The following MSRA variants were observed in gnomAD, a reference collection of about 807,000 sequenced individuals.
The protein encoded by MSRA is methionine sulfoxide reductase A.
In MSRA, 54 loss-of-function variants were observed where a neutral mutation model predicts 31.3. That is an observed-to-expected ratio of 1.73 (90% confidence interval 1.39 to 2.17). The LOEUF (loss-of-function observed/expected upper bound fraction) is 2.17, where lower values mean the gene tolerates loss of function less well. Among genes scored for constraint, MSRA ranks in the 30% most tolerant of loss-of-function variants. MSRA has a pLI of 0.00. For synonymous variants in MSRA, 169 were observed against 116.5 expected (o/e 1.45, Z -2.90); for missense variants, 507 against 300.9 (o/e 1.69, Z -5.07).
At chr8:10,362,601 C>T (rs564580416) in intron 5 of MSRA, among the ~76,000 whole-genome samples, 1 of 152,118 alleles carries the variant, frequency 6.6e-6, no homozygotes, top group Non-Finnish European at 1.5e-5. Context: ...GTTTTCTCTC[C>T]AAGCAGTCCC....
At chr8:10,396,239 C>T (rs1375500826) in intron 5 of MSRA, among the ~76,000 whole-genome samples, 1 of 152,224 alleles carries the variant, frequency 6.6e-6, no homozygotes, top group Non-Finnish European at 1.5e-5. Flanking sequence ...CTGCACTCAG[C>T]CACTGCTGCC....
intron 3 of MSRA, among the ~76,000 whole-genome samples, chr8:10,283,674 G>A (rs938022634): frequency 1.3e-5 from 2 of 150,862 alleles, no homozygotes; most frequent in African/African-American, 2.4e-5. Flanking sequence ...TCCCACTTAT[G>A]AGTGAGAACA....
At chr8:10,060,651 T>C (rs1205865610) in intron 1 of MSRA, among the ~76,000 whole-genome samples, 3 of 152,108 alleles carry the variant, frequency 2.0e-5, no homozygotes, top group Admixed American at 2.0e-4. Flanking sequence ...TTTTTTTTTT[T>C]CAATTTTGCT....
chr8:10,370,104 T>A (rs1805393697), intron 5 of MSRA, among the ~76,000 whole-genome samples: 2 of 152,250 alleles, frequency 1.3e-5, no homozygotes, highest in Admixed American at 1.3e-4. Context: ...ATAGCCAACA[T>A]TTGTCTCGTG....
At chr8:10,091,019 T>C (rs1362197436) in intron 1 of MSRA, among the ~76,000 whole-genome samples, 1 of 152,226 alleles carries the variant, frequency 6.6e-6, no homozygotes, top group African/African-American at 2.4e-5. Context: ...GTCAAATCCT[T>C]TTCTGTGTAG....
intron 1 of MSRA, among the ~76,000 whole-genome samples, chr8:10,098,792 A>C (rs926325397): frequency 9.8e-5 from 15 of 152,354 alleles, no homozygotes; most frequent in African/African-American, 3.6e-4. Context: ...CATGTAAAAT[A>C]AGCAATTCAA....
chr8:10,422,060 C>T (rs1233166801), intron 5 of MSRA, among the ~76,000 whole-genome samples: 1 of 152,138 alleles, frequency 6.6e-6, no homozygotes. Flanking sequence ...ATGCGAGGAT[C>T]GTTTGAGGCC....
At chr8:10,300,674 A>T (rs11781138) in intron 3 of MSRA, among the ~76,000 whole-genome samples, 1 of 152,066 alleles carries the variant, frequency 6.6e-6, no homozygotes, top group Non-Finnish European at 1.5e-5. Flanking sequence ...GTGAACTGCC[A>T]TGCCCAGCTT....
At chr8:10,270,896 C>T (rs1360284904) in intron 3 of MSRA, among the ~76,000 whole-genome samples, 1 of 152,272 alleles carries the variant, frequency 6.6e-6, no homozygotes, top group East Asian at 1.9e-4. Flanking sequence ...CAATGGGAGC[C>T]AGGCGCCTTC....
At chr8:10,328,544 G>C (rs1290491667) in intron 5 of MSRA, among the ~76,000 whole-genome samples, 1 of 152,008 alleles carries the variant, frequency 6.6e-6, no homozygotes, top group Non-Finnish European at 1.5e-5. Flanking sequence ...ATTCCTCAGT[G>C]TACCTCGGGT....
At chr8:10,123,027 T>G (rs1385617876) in intron 1 of MSRA, among the ~76,000 whole-genome samples, 10 of 152,242 alleles carry the variant, frequency 6.6e-5, no homozygotes, top group African/African-American at 2.4e-4. Context: ...GAATGATTTA[T>G]ATTCCTTGGA....
Position 10,327,707 on chromosome 8 carries a change from G to C in MSRA, c.543+7718G>C, listed in dbSNP as rs534548748. Among the ~76,000 whole-genome samples, 6 of 152,300 alleles carry C rather than the reference G, an allele frequency of 3.9e-5. 1 individual carries two copies. In the Middle Eastern group the frequency reaches 0.02, roughly 518 times the overall value. On this transcript the variant is annotated intron_variant, in intron 5 of 5. Coordinates refer to ENST00000317173, the MANE Select transcript of MSRA (RefSeq NM_012331.5). ...CCAGCACTTTGGGAAGCCAAGGCAG[G>C]TGGATCATAAGGTCAGGAGATCGAG...
chr8:10,124,121 G>A (rs1488145602), intron 1 of MSRA, among the ~76,000 whole-genome samples: 1 of 152,042 alleles, frequency 6.6e-6, no homozygotes, highest in Non-Finnish European at 1.5e-5. Context: ...AAAGACCACT[G>A]GATCAGAAGA....
At chr8:10,409,304 AT>A (rs1808013821) in intron 5 of MSRA, among the ~76,000 whole-genome samples, 1 of 152,092 alleles carries the variant, frequency 6.6e-6, no homozygotes, top group African/African-American at 2.4e-5. Flanking sequence ...TTTGATTTGC[AT>A]TTCTCCGATG....
intron 1 of MSRA, among the ~76,000 whole-genome samples, chr8:10,092,703 A>G (rs1331763829): frequency 6.6e-6 from 1 of 151,472 alleles, no homozygotes; most frequent in African/African-American, 2.4e-5. Flanking sequence ...TGTTGGTACT[A>G]GTTGATTTAT....
chr8:10,068,860 C>A (rs549535152), intron 1 of MSRA, among the ~76,000 whole-genome samples: 49 of 152,292 alleles, frequency 3.2e-4, no homozygotes, highest in South Asian at 1.2e-3. Flanking sequence ...CACTGAATCT[C>A]CAGATCAAGT....
intron 1 of MSRA, among the ~76,000 whole-genome samples, chr8:10,061,859 T>G (rs955652179): frequency 2.0e-5 from 3 of 151,986 alleles, no homozygotes; most frequent in Non-Finnish European, 4.4e-5. Context: ...GGGGAACCCC[T>G]CATCTTTAAA....
chr8:10,408,170 A>G (rs1205459705), intron 5 of MSRA, among the ~76,000 whole-genome samples: 1 of 152,178 alleles, frequency 6.6e-6, no homozygotes, highest in East Asian at 1.9e-4. Flanking sequence ...CTGGGACGAG[A>G]TGTGCAAAAA....
intron 5 of MSRA, among the ~76,000 whole-genome samples, chr8:10,363,738 C>CCACA (rs71203319): frequency 0.051 from 5,284 of 103,314 alleles, 332 homozygotes; most frequent in Middle Eastern, 0.15. Flanking sequence ...GATGCAGTCA[C>CCACA]CACACACACA....
Sources: gnomAD v4.1 joint callset for allele counts (sites outside exome capture counted in the v4.1 genomes callset) on GRCh38, gnomAD v4.1.1 for gene constraint, MANE v1.5 for transcripts, NCBI Gene and HGNC (gene_info 2026-07-23, HGNC 2026-07-21) for gene names.